HCN1: variants seen among roughly 807,000 people sequenced by gnomAD.
The protein encoded by HCN1 is hyperpolarization activated cyclic nucleotide gated potassium channel 1.
In HCN1, 13 loss-of-function variants were observed where a neutral mutation model predicts 78.9. The observed-to-expected ratio is 0.16, with a 90% CI of 0.11 to 0.26. HCN1 has a LOEUF of 0.26. Ranked by LOEUF, HCN1 falls within the 10% of genes least tolerant of loss-of-function variation. The probability of loss-of-function intolerance (pLI) is 1.00; values close to 1 mark genes in which losing one functional copy is unlikely to be tolerated. For synonymous variants in HCN1, 552 were observed against 455.5 expected, an observed-to-expected ratio of 1.21 and a Z score of -2.70; for missense variants, 810 against 1,154.3, an observed-to-expected ratio of 0.70 and a Z score of 4.32.
chr5:45,659,232 C>A (rs1354281570), intron 1 of HCN1, among the ~76,000 whole-genome samples: 1 of 143,580 alleles, frequency 7.0e-6, no homozygotes, highest in South Asian at 2.3e-4. Flanking sequence ...AACAGACCTG[C>A]AGCTGAGGGT....
intron 5 of HCN1, among the ~76,000 whole-genome samples, chr5:45,350,725 C>T (rs1037704963): frequency 1.3e-5 from 2 of 151,138 alleles, no homozygotes; most frequent in East Asian, 1.9e-4. Flanking sequence ...TTCTTATACA[C>T]CAACAACAGA....
rs532305246 is a variant in HCN1, at chr5:45,276,903, G to T, written c.1619-9650C>A. On this transcript the variant is annotated intron_variant, in intron 6 of 7. Coordinates refer to ENST00000303230, the MANE Select transcript of HCN1 (RefSeq NM_021072.4). ...AAGAGAAAAGGAACAGGAGGGGAGA[G>T]GAGACATTAGAATGAAATAGTATCA... Among the ~76,000 whole-genome samples the T allele has an allele frequency of 7.7e-4, 117 of 152,070 alleles. 1 individual carries two copies. Among genetic ancestry groups the T allele is most frequent in the African/African-American group, 2.8e-3 (116 of 41,494 alleles).
At position 45,446,855 on chromosome 5, in the gene HCN1, C is replaced by G. The variant is rs1022198763; in HGVS notation, c.1011+14991G>C. ...CAAATGCTGAGAGATTTTGTCACCACCAGGCCTGCCCTAAAAGAGCTCCTG... is the reference window on the plus strand; with the variant it reads ...CAAATGCTGAGAGATTTTGTCACCAGCAGGCCTGCCCTAAAAGAGCTCCTG... On this transcript the variant is annotated intron_variant, in intron 3 of 7. Transcript: ENST00000303230. 4.1e-4 allele frequency among the ~76,000 whole-genome samples: 63 copies of G among 151,966 alleles called. 1 individual carries two copies. Among genetic ancestry groups the G allele is most frequent in the Admixed American group, 5.9e-4 (9 of 15,244 alleles).
chr5:45,542,605 T>C (rs1401946195), intron 2 of HCN1, among the ~76,000 whole-genome samples: 1 of 152,130 alleles, frequency 6.6e-6, no homozygotes. Context: ...AGCAAAAGTG[T>C]TGCTGAAGGA....
rs775887697 is a variant in HCN1, at chr5:45,645,239, G to A, written c.795C>T (p.Leu265=). The A allele has an allele frequency of 1.2e-6, 2 of 1,613,584 alleles. No homozygotes were observed. The highest frequency in any genetic ancestry group is 1.7e-6 in the Non-Finnish European group (2 of 1,179,770). The change falls in exon 2 of 8, where the codon CTC becomes CTT. Residue 265 remains leucine, a synonymous_variant. Coordinates refer to ENST00000303230, the MANE Select transcript of HCN1 (RefSeq NM_021072.4). ...ACCTTGAAAGTCGTAATAAACGCAA[G>A]AGACTGAGAATTTTTGTAAACCTCA... ...RIVRFTKILS[L]LRLLRLSRLI... is the part of the protein sequence containing the mutation.
In HCN1 at chr5:45,555,486, T is replaced by C. The variant is rs1053541270; in HGVS notation, c.849+89699A>G. Among the ~76,000 whole-genome samples, 4 of 151,862 alleles carry C rather than the reference T, an allele frequency of 2.6e-5. No homozygotes were observed. The East Asian group carries it at 5.8e-4, about 22-fold the overall frequency. On this transcript the variant is annotated intron_variant, in intron 2 of 7. Transcript: ENST00000303230. ...ACACTACCCAAAGCAATCTACAGAA[T>C]CAATGCAATCTTTACCAAAATACCA...
intron 2 of HCN1, among the ~76,000 whole-genome samples, chr5:45,636,406 T>C (rs866763721): frequency 3.3e-5 from 5 of 152,158 alleles, no homozygotes; most frequent in South Asian, 2.1e-4. Flanking sequence ...AGCCATAATA[T>C]ATATGGTATC....
At chr5:45,584,965 T>A (rs905296590) in intron 2 of HCN1, among the ~76,000 whole-genome samples, 8 of 152,312 alleles carry the variant, frequency 5.3e-5, no homozygotes, top group African/African-American at 1.9e-4. Context: ...CCTTAACATT[T>A]TTCCTTCATT....
At chr5:45,550,738 G>A (rs573917153) in intron 2 of HCN1, among the ~76,000 whole-genome samples, 1 of 152,084 alleles carries the variant, frequency 6.6e-6, no homozygotes, top group Non-Finnish European at 1.5e-5. Context: ...TTACCTAAAT[G>A]TTAGCTTAAA....
chr5:45,370,111 A>T (rs149158513), intron 4 of HCN1, among the ~76,000 whole-genome samples: 1 of 151,986 alleles, frequency 6.6e-6, no homozygotes, highest in South Asian at 2.1e-4. Flanking sequence ...AATAGCATAT[A>T]TATGTTTTCA....
intron 2 of HCN1, among the ~76,000 whole-genome samples, chr5:45,594,250 A>C (rs1248380877): frequency 6.6e-6 from 1 of 152,194 alleles, no homozygotes; most frequent in African/African-American, 2.4e-5. Context: ...TATTACATCA[A>C]GGTATCATGA....
chr5:45,292,062 C>T (rs1745389403), intron 6 of HCN1, among the ~76,000 whole-genome samples: 1 of 151,636 alleles, frequency 6.6e-6, no homozygotes, highest in South Asian at 2.1e-4. Context: ...TTTCAATATC[C>T]ATTTGTTGAA....
chr5:45,343,449 TG>T (rs1746624516), intron 5 of HCN1, among the ~76,000 whole-genome samples: 1 of 152,104 alleles, frequency 6.6e-6, no homozygotes, highest in African/African-American at 2.4e-5. Flanking sequence ...ACAATGGCAG[TG>T]GGAAAGGAAG....
chr5:45,314,387 G>A (rs553419440), intron 5 of HCN1, among the ~76,000 whole-genome samples: 14 of 152,254 alleles, frequency 9.2e-5, no homozygotes, highest in East Asian at 3.9e-4. Flanking sequence ...AGGAACGACC[G>A]GTACCAGCCA....
At chr5:45,377,409 AAAAATGATCTTT>A (rs1747705699) in intron 4 of HCN1, among the ~76,000 whole-genome samples, 2 of 152,004 alleles carry the variant, frequency 1.3e-5, no homozygotes, top group South Asian at 4.1e-4. Context: ...TGTGTTTATT[AAAAATGATCTTT>A]TTTGCTTCTT....
At chr5:45,290,240 A>G (rs1022730921) in intron 6 of HCN1, among the ~76,000 whole-genome samples, 4 of 151,724 alleles carry the variant, frequency 2.6e-5, no homozygotes, top group Admixed American at 6.6e-5. Context: ...AGTCCATTAA[A>G]CCTCTCTTTC....
At chr5:45,606,540 G>C (rs1431572909) in intron 2 of HCN1, among the ~76,000 whole-genome samples, 1 of 151,714 alleles carries the variant, frequency 6.6e-6, no homozygotes, top group Non-Finnish European at 1.5e-5. Flanking sequence ...CAAGCAGGTG[G>C]AAAGTTGGAT....
intron 6 of HCN1, among the ~76,000 whole-genome samples, chr5:45,275,241 G>C (rs912051617): frequency 1.4e-5 from 2 of 146,168 alleles, no homozygotes; most frequent in African/African-American, 5.2e-5. Flanking sequence ...GTGAGACTCT[G>C]TCTCAGAAAA....
intron 2 of HCN1, among the ~76,000 whole-genome samples, chr5:45,517,383 C>A (rs1376412795): frequency 1.3e-5 from 2 of 151,866 alleles, no homozygotes; most frequent in East Asian, 3.9e-4. Flanking sequence ...CCCCATCATA[C>A]ACACACATAT....
Sources: allele counts gnomAD v4.1 joint callset (sites outside exome capture counted in the v4.1 genomes callset), GRCh38; gene constraint gnomAD v4.1.1; transcripts MANE v1.5; gene names NCBI Gene and HGNC (gene_info 2026-07-23, HGNC 2026-07-21).